LGALS8: variants seen among roughly 807,000 people sequenced by gnomAD.
LGALS8 encodes galectin 8, also known as galectin-8.
LGALS8 carries 30 observed loss-of-function variants against 35.9 expected under a neutral mutation model. The observed-to-expected ratio is 0.83, with a 90% CI of 0.62 to 1.13. The LOEUF (loss-of-function observed/expected upper bound fraction) is 1.13, where lower values mean the gene tolerates loss of function less well. Among genes scored for constraint, LGALS8 ranks in the 50% most tolerant of loss-of-function variants. The pLI is 0.00. For synonymous variants in LGALS8, 138 were observed against 136.1 expected (o/e 1.01, Z -0.10); for missense variants, 366 against 388.7 (o/e 0.94, Z 0.49).
In LGALS8 at chr1:236,526,186, G is replaced by A; in HGVS notation, c.45+71G>A. 9.1e-7 allele frequency: 1 copy of A among 1,097,856 alleles called. No homozygotes were observed. The highest frequency in any genetic ancestry group is 1.8e-5 in the Admixed American group (1 of 55,546). The allele number at this position is 1,097,856 out of a possible 1,614,324, so 68.0% of individuals were successfully genotyped here. ...TCCAATAGAATATTAATTATCCATT[G>A]GGAGACAGGGCAAGAATAAAAGCCA... On this transcript the variant is annotated intron_variant, in intron 2 of 9. Coordinates refer to ENST00000366584, the MANE Select transcript of LGALS8 (RefSeq NM_201544.4). This position sits in a 1 kb window ranked among gnomAD's most constrained non-coding sequence, Gnocchi z 4.6.
chr1:236,529,945 G>C (rs1661056162), intron 2 of LGALS8, among the ~76,000 whole-genome samples: 1 of 152,144 alleles, frequency 6.6e-6, no homozygotes, highest in Non-Finnish European at 1.5e-5. Context: ...GAACCACCGT[G>C]GCTGGCCACT....
Position 236,550,992 on chromosome 1 carries a change from T to TGAA in LGALS8, c.*2831_*2832insGAA. The TGAA allele has an allele frequency of 8.0e-7, 1 of 1,254,990 alleles. No individual in the cohort carries two copies. The highest frequency in any genetic ancestry group is 2.4e-4 in the Middle Eastern group (1 of 4,156). The allele number at this position is 1,254,990 out of a possible 1,614,324, so 77.7% of individuals were successfully genotyped here. A position where few individuals can be genotyped will look rare whatever the true frequency, so the allele number is the denominator to read the frequency against. ...GATGTTCTACTTCTTCACATTCATC[T>TGAA]AAAAAAAAAAAAAAAAAATCAAAAT... On this transcript the variant is annotated 3_prime_UTR_variant, in exon 10 of 10. Transcript: ENST00000366584.
intron 3 of LGALS8, among the ~76,000 whole-genome samples, chr1:236,537,952 A>T (rs1558162229): frequency 1.1e-5 from 1 of 90,200 alleles, no homozygotes; most frequent in Non-Finnish European, 2.8e-5. Context: ...AAAAAAATTT[A>T]AAAATTAACT....
intron 7 of LGALS8, 75 bp from the exon 8 acceptor site, chr1:236,543,485 T>C (rs767554397): frequency 2.8e-6 from 3 of 1,054,840 alleles, no homozygotes; most frequent in East Asian, 4.8e-5. Context: ...CATTCCGTAG[T>C]GTTCTTTGGA....
At chr1:236,545,388 G>A (rs1430536889) in intron 9 of LGALS8, among the ~76,000 whole-genome samples, 1 of 152,214 alleles carries the variant, frequency 6.6e-6, no homozygotes, top group Non-Finnish European at 1.5e-5. Context: ...GAACTAAAAG[G>A]CATGCAGTCC....
chr1:236,527,160 G>A (rs1660859429), intron 2 of LGALS8, among the ~76,000 whole-genome samples: 4 of 152,174 alleles, frequency 2.6e-5, no homozygotes, highest in Admixed American at 2.6e-4. Context: ...CCTGCCACGG[G>A]TGTCTGAAGT....
intron 8 of LGALS8, 132 bp downstream of exon 8, chr1:236,543,780 A>G: frequency 1.4e-6 from 1 of 700,120 alleles, no homozygotes; most frequent in East Asian, 2.8e-5. Context: ...AGATGATTCA[A>G]GCAGGAGGTG....
intron 1 of LGALS8, among the ~76,000 whole-genome samples, chr1:236,525,253 GCTTA>G (rs1660750612): frequency 6.6e-6 from 1 of 152,020 alleles, no homozygotes; most frequent in Admixed American, 6.6e-5. Flanking sequence ...CTAACATAGC[GCTTA>G]CTCTTTCGCT....
At chr1:236,518,246 A>G (rs950551420), upstream of LGALS8, 1 of 152,280 alleles carries the variant, frequency 6.6e-6, no homozygotes, top group African/African-American at 2.4e-5. Flanking sequence ...CCCACCTGAA[A>G]AGACTGGATT....
At chr1:236,532,094 T>C (rs2103076876) in intron 2 of LGALS8, among the ~76,000 whole-genome samples, 1 of 152,170 alleles carries the variant, frequency 6.6e-6, no homozygotes, top group Admixed American at 6.5e-5. Flanking sequence ...CCCTCACACA[T>C]ATCAAAAAAT....
upstream of LGALS8, among the ~76,000 whole-genome samples, chr1:236,520,956 C>T (rs1294464970): frequency 6.6e-6 from 1 of 152,216 alleles, no homozygotes; most frequent in Non-Finnish European, 1.5e-5. Context: ...TTCTTTCACT[C>T]ACCAGCAGCT....
intron 2 of LGALS8, among the ~76,000 whole-genome samples, chr1:236,530,573 T>C (rs553494729): frequency 1.3e-5 from 2 of 152,284 alleles, no homozygotes; most frequent in East Asian, 3.9e-4. Context: ...AACCCCCAAC[T>C]CTCAGTTGCT....
Position 236,526,168 on chromosome 1 carries a change from GA to G in LGALS8, c.45+55del. ...TACCTATGCCAGGACAGATCCAATA[GA>G]ATATTAATTATCCATTGGGAGACAG... On this transcript the variant is annotated intron_variant, in intron 2 of 9. Transcript: ENST00000366584. This position sits in a 1 kb window ranked among gnomAD's most constrained non-coding sequence, Gnocchi z 4.6. 2.4e-6 allele frequency: 3 copies of G among 1,271,416 alleles called. No homozygotes were observed. The highest frequency in any genetic ancestry group is 3.4e-6 in the Non-Finnish European group (3 of 875,616). The allele number at this position is 1,271,416 out of a possible 1,614,324, so 78.8% of individuals were successfully genotyped here.
rs755783404 is a variant in LGALS8, at chr1:236,548,031, T to A, written c.824T>A (p.Val275Asp). The A allele has an allele frequency of 1.9e-6, 3 of 1,611,450 alleles. No individual in the cohort carries two copies. In the Admixed American group the frequency reaches 5.0e-5, roughly 27 times the overall value. ...MYFEMIIYCDVREFKVAVNGV... is the reference protein window; with the variant it reads ...MYFEMIIYCDDREFKVAVNGV... ...TTTCAGATGATAATTTATTGTGATG[T>A]TAGAGAATTCAAGGTTGCAGTAAAT... The change falls in exon 10 of 10, where the codon GTT becomes GAT. Residue 275 changes from valine to aspartate, a missense_variant. By Grantham distance (152) the Val-to-Asp change is radical. Coordinates refer to ENST00000366584, the MANE Select transcript of LGALS8 (RefSeq NM_201544.4).
At chr1:236,536,811 A>G (rs1453036522) in intron 2 of LGALS8, 1 of 151,262 alleles carries the variant, frequency 6.6e-6, no homozygotes, top group Non-Finnish European at 1.5e-5. Flanking sequence ...CAGCAGTGGA[A>G]CAGTAGGAAA....
At chr1:236,542,663 G>C in intron 6 of LGALS8, 98 bp from the exon 7 acceptor site, 1 of 1,292,930 alleles carries the variant, frequency 7.7e-7, no homozygotes, top group Admixed American at 1.7e-5. Context: ...AACATCCCAG[G>C]CTCCGGCCAG....
Position 236,540,344 on chromosome 1 carries a change from A to G in LGALS8, c.346-220A>G, listed in dbSNP as rs114451088. The G allele has an allele frequency of 2.9e-3, 1,322 of 455,482 alleles. 9 individuals carry two copies. Among genetic ancestry groups the G allele is most frequent in the African/African-American group, 0.025 (1,217 of 49,618 alleles). The allele number at this position is 455,482 out of a possible 1,614,324, so 28.2% of individuals were successfully genotyped here. On this transcript the variant is annotated intron_variant, in intron 4 of 9. Coordinates refer to ENST00000366584, the MANE Select transcript of LGALS8 (RefSeq NM_201544.4). ...TGACTGCCTGTTTGTCTGGGGAGAG[A>G]CAGTTCCTGGTGCTTAATCAAATCA... is the stretch of plus-strand genomic sequence containing the variant.
Position 236,548,320 on chromosome 1 carries a change from T to C in LGALS8, c.*159T>C. On this transcript the variant is annotated 3_prime_UTR_variant, in exon 10 of 10. Transcript: ENST00000366584. ...GGTGTTCTCAGTCCTTGCCATGAAG[T>C]ATGGTGGTGTCTAGCACTGAATGGG... The C allele has an allele frequency of 1.5e-6, 1 of 688,662 alleles. No individual in the cohort carries two copies. Among genetic ancestry groups the C allele is most frequent in the East Asian group, 2.8e-5 (1 of 36,176 alleles). 42.7% of individuals were successfully genotyped at this position (688,662 alleles called of 1,614,324 possible).
chr1:236,542,926 A>C (rs1402096216), intron 7 of LGALS8, 139 bp downstream of exon 7: 1 of 1,614,142 alleles, frequency 6.2e-7, no homozygotes, highest in South Asian at 1.1e-5. Flanking sequence ...CTAGTAATAG[A>C]GGAGGAGACA....
Sources: gnomAD v4.1 joint callset for allele counts (sites outside exome capture counted in the v4.1 genomes callset) on GRCh38, gnomAD v4.1.1 for gene constraint, Gnocchi (gnomAD v3.1) non-coding constraint, MANE v1.5 for transcripts, NCBI Gene and HGNC (gene_info 2026-07-23, HGNC 2026-07-21) for gene names.